The following PLEKHA5 variants were observed in gnomAD, a reference collection of about 807,000 sequenced individuals.
PLEKHA5 encodes pleckstrin homology domain-containing family A member 5.
A neutral mutation model predicts 181.9 loss-of-function variants in PLEKHA5; 55 were observed. The observed-to-expected ratio is 0.30, with a 90% CI of 0.24 to 0.38. PLEKHA5 has a LOEUF of 0.38. Among genes scored for constraint, PLEKHA5 ranks in the 10% least tolerant of loss-of-function variants. The probability of loss-of-function intolerance (pLI) is 1.00; values close to 1 mark genes in which losing one functional copy is unlikely to be tolerated. For missense variants in PLEKHA5, 1,432 were observed against 1,549.5 expected (o/e 0.92, Z 1.27); for synonymous variants, 535 against 529.4 (o/e 1.01, Z -0.15).
chr12:19,167,276 T>C (rs1194069341), intron 3 of PLEKHA5, among the ~76,000 whole-genome samples: 2 of 152,174 alleles, frequency 1.3e-5, no homozygotes, highest in East Asian at 3.8e-4. Flanking sequence ...ATAGCCTACT[T>C]ATATGATATA....
At chr12:19,356,637 GGT>G (rs2094939094) in intron 26 of PLEKHA5, among the ~76,000 whole-genome samples, 1 of 151,254 alleles carries the variant, frequency 6.6e-6, no homozygotes, top group Non-Finnish European at 1.5e-5. Context: ...ACATTGACTG[GGT>G]GGAAGAAGAG....
At chr12:19,237,757 G>A (rs187880642) in intron 3 of PLEKHA5, among the ~76,000 whole-genome samples, 4 of 151,890 alleles carry the variant, frequency 2.6e-5, no homozygotes, top group Admixed American at 2.6e-4. Context: ...TAGAGGCCAG[G>A]CAAGATTTAT....
chr12:19,362,925 T>C (rs1217875721), intron 29 of PLEKHA5, among the ~76,000 whole-genome samples: 2 of 140,998 alleles, frequency 1.4e-5, no homozygotes, highest in Admixed American at 7.0e-5. Context: ...TCCGAACCCA[T>C]GGATCTGGAG....
intron 21 of PLEKHA5, among the ~76,000 whole-genome samples, chr12:19,341,797 A>C (rs1373574626): frequency 6.6e-6 from 1 of 151,824 alleles, no homozygotes; most frequent in East Asian, 1.9e-4. Context: ...CAGTGGCACG[A>C]TCTTGGCTCA....
rs555230813 is a variant in PLEKHA5 at position 19,337,657 on chromosome 12, T to C, written c.2550+1041T>C. ...AATAATAAAAGTTACGTCACGCTTA[T>C]GACCCAATGTAAATTTGAACATTTT... On this transcript the variant is annotated intron_variant, in intron 21 of 31. Coordinates refer to ENST00000429027, the MANE Select transcript of PLEKHA5 (RefSeq NM_001256470.2). 1.3e-5 allele frequency among the ~76,000 whole-genome samples: 2 copies of C among 152,228 alleles called. 1 individual carries two copies. The highest frequency in any genetic ancestry group is 2.9e-5 in the Non-Finnish European group (2 of 68,010).
At chr12:19,137,526 T>C (rs1380152604) in intron 3 of PLEKHA5, among the ~76,000 whole-genome samples, 2 of 152,204 alleles carry the variant, frequency 1.3e-5, no homozygotes, top group Non-Finnish European at 2.9e-5. Context: ...CGAACTATGA[T>C]CTCAGCTTTC....
intron 15 of PLEKHA5, chr12:19,306,373 C>T: frequency 2.0e-6 from 1 of 503,288 alleles, no homozygotes; most frequent in Non-Finnish European, 3.9e-6. Flanking sequence ...CTAGCGTGCT[C>T]TCTTCCCCTC....
intron 3 of PLEKHA5, chr12:19,147,102 A>G (rs1259368811): frequency 2.6e-5 from 4 of 152,192 alleles, no homozygotes; most frequent in Admixed American, 2.6e-4. Flanking sequence ...ATGCTGAAAA[A>G]CAACTTAAAA....
chr12:19,308,733 C>T (rs1295124209), intron 15 of PLEKHA5, among the ~76,000 whole-genome samples: 1 of 152,016 alleles, frequency 6.6e-6, no homozygotes, highest in Non-Finnish European at 1.5e-5. Context: ...AACATAGTTC[C>T]ATCTGGAAAT....
At chr12:19,164,808 C>T (rs1403172279) in intron 3 of PLEKHA5, among the ~76,000 whole-genome samples, 1 of 152,184 alleles carries the variant, frequency 6.6e-6, no homozygotes, top group Non-Finnish European at 1.5e-5. Flanking sequence ...GTTGATACCT[C>T]ATAAAATTTT....
intron 3 of PLEKHA5, among the ~76,000 whole-genome samples, chr12:19,155,415 C>G (rs528717183): frequency 3.8e-4 from 58 of 152,098 alleles, no homozygotes; most frequent in Non-Finnish European, 7.8e-4. Context: ...GTCCCGAAAC[C>G]TTGTTTTTTC....
At position 19,188,031 on chromosome 12, in the gene PLEKHA5, C is replaced by T. The variant is rs137907197; in HGVS notation, c.227+55581C>T. 4.0e-3 allele frequency among the ~76,000 whole-genome samples: 609 copies of T among 152,168 alleles called. 3 individuals are homozygous for T. Among genetic ancestry groups the T allele is most frequent in the African/African-American group, 0.014 (572 of 41,522 alleles). ...TGTTTTTTTCTTCAAGCAATGAAAACCATTTTTGGTCTGCCACCTGTCAGA... is the reference window on the plus strand; with the variant it reads ...TGTTTTTTTCTTCAAGCAATGAAAATCATTTTTGGTCTGCCACCTGTCAGA... On this transcript the variant is annotated intron_variant, in intron 3 of 31. Coordinates refer to ENST00000429027, the MANE Select transcript of PLEKHA5 (RefSeq NM_001256470.2).
At chr12:19,210,622 T>C (rs1354479905) in intron 3 of PLEKHA5, among the ~76,000 whole-genome samples, 1 of 152,210 alleles carries the variant, frequency 6.6e-6, no homozygotes, top group Non-Finnish European at 1.5e-5. Context: ...ATATCTGAAA[T>C]TATAGTTTAA....
Position 19,343,428 on chromosome 12 carries a change from G to A in PLEKHA5, c.2656G>A (p.Glu886Lys). The A allele has an allele frequency of 1.3e-6, 2 of 1,573,494 alleles. No individual in the cohort carries two copies. Among genetic ancestry groups the A allele is most frequent in the Non-Finnish European group, 8.7e-7 (1 of 1,143,284 alleles). ...ACATAAGCAGCAAAGAGGTACTACA[G>A]AAATAGGTAAATTAGCTTTGCATTT... The part of the protein sequence containing the change: ...SKHKQQRGTT[E>K]IGMIGSKPFS... The change falls in exon 22 of 32, where the codon GAA becomes AAA. Residue 886 changes from glutamate to lysine, a missense_variant. Around this residue, in one of 2 missense-constraint regions of PLEKHA5, gnomAD observed 1,143 missense variants for 1,168.4 expected, o/e 0.98. Coordinates refer to ENST00000429027, the MANE Select transcript of PLEKHA5 (RefSeq NM_001256470.2).
chr12:19,348,681 G>A (rs896861010), intron 25 of PLEKHA5, among the ~76,000 whole-genome samples, 162 bp downstream of exon 25: 1 of 152,098 alleles, frequency 6.6e-6, no homozygotes, highest in Non-Finnish European at 1.5e-5. Flanking sequence ...GAAATTTTCA[G>A]ATATTAAAAG....
At chr12:19,265,689 T>C in intron 7 of PLEKHA5, 61 bp from the exon 8 acceptor site, 1 of 951,608 alleles carries the variant, frequency 1.1e-6, no homozygotes, top group South Asian at 1.4e-5. Flanking sequence ...AAATAGATCT[T>C]GAAAAACTTT....
intron 10 of PLEKHA5, among the ~76,000 whole-genome samples, chr12:19,270,598 C>T (rs2072364041): frequency 6.6e-6 from 1 of 152,076 alleles, no homozygotes; most frequent in Non-Finnish European, 1.5e-5. Context: ...AGATACGAAT[C>T]ATTTTAATAT....
chr12:19,157,541 G>A (rs1474031075), intron 3 of PLEKHA5, among the ~76,000 whole-genome samples: 1 of 151,278 alleles, frequency 6.6e-6, no homozygotes, highest in African/African-American at 2.4e-5. Context: ...TTAAATTTTT[G>A]TCCACTTGTT....
chr12:19,182,622 G>T (rs929253971), intron 3 of PLEKHA5, among the ~76,000 whole-genome samples: 1 of 152,190 alleles, frequency 6.6e-6, no homozygotes, highest in Non-Finnish European at 1.5e-5. Flanking sequence ...TCTAGTGCCT[G>T]CTTTACATTG....
Sources: allele counts gnomAD v4.1 joint callset (sites outside exome capture counted in the v4.1 genomes callset), GRCh38; gene constraint gnomAD v4.1.1; regional missense constraint gnomAD v4.1.1; transcripts MANE v1.5; gene names NCBI Gene and HGNC (gene_info 2026-07-23, HGNC 2026-07-21).